Variants in GPM6A observed in about 807,000 individuals in gnomAD.
GPM6A encodes the protein neuronal membrane glycoprotein M6-a.
GPM6A carries 7 observed loss-of-function variants against 32.1 expected under a neutral mutation model. The ratio of observed to expected loss-of-function variants is 0.22; its 90% confidence interval spans 0.12 to 0.41. GPM6A has a LOEUF of 0.41. GPM6A is among the 10% of genes least tolerant of loss of function. The pLI, the probability that GPM6A is intolerant of heterozygous loss-of-function variation, is 1.00. For synonymous variants in GPM6A, 130 were observed against 123.4 expected (o/e 1.05, Z -0.35); for missense variants, 235 against 347.2 (o/e 0.68, Z 2.57).
chr4:175,945,098 G>A (rs1354821105), intron 1 of GPM6A, among the ~76,000 whole-genome samples: 1 of 152,054 alleles, frequency 6.6e-6, no homozygotes, highest in Non-Finnish European at 1.5e-5. Flanking sequence ...ATTCATTGAG[G>A]CTAGAAAAGA....
intron 1 of GPM6A, among the ~76,000 whole-genome samples, chr4:175,724,035 T>G (rs1746276521): frequency 6.6e-6 from 1 of 152,164 alleles, no homozygotes; most frequent in African/African-American, 2.4e-5. Context: ...ATAGCATTAT[T>G]CACAGCAACC....
At position 175,778,493 on chromosome 4, in the gene GPM6A, C is replaced by T. The variant is rs539832571; in HGVS notation, c.37+33698G>A. ...TACAAAAATTAGCTGGGCGTGGTGG[C>T]GTGCACCTGTAGTCCCAGCTACTTG... On this transcript the variant is annotated intron_variant, in intron 1 of 6. Coordinates refer to ENST00000393658, the MANE Select transcript of GPM6A (RefSeq NM_201591.3). Among the ~76,000 whole-genome samples, 21 of 151,630 alleles carry T rather than the reference C, an allele frequency of 1.4e-4. No individual in the cohort carries two copies. In the East Asian group the frequency reaches 3.1e-3, roughly 22 times the overall value.
At chr4:175,819,103 G>A (rs113970076) in intron 1 of GPM6A, among the ~76,000 whole-genome samples, 54 of 152,234 alleles carry the variant, frequency 3.5e-4, no homozygotes, top group Admixed American at 9.8e-4. Flanking sequence ...ATCTCTTTCT[G>A]GTAATTATGT....
At chr4:175,706,605 T>A (rs942288466) in intron 1 of GPM6A, among the ~76,000 whole-genome samples, 1 of 152,200 alleles carries the variant, frequency 6.6e-6, no homozygotes, top group Non-Finnish European at 1.5e-5. Context: ...CATTATCAAG[T>A]GTCCAGAGAG....
chr4:175,731,505 A>C (rs1731429284), intron 1 of GPM6A, among the ~76,000 whole-genome samples: 1 of 152,012 alleles, frequency 6.6e-6, no homozygotes, highest in Admixed American at 6.6e-5. Context: ...GGTAAGGCGC[A>C]GCAGGTTTTT....
chr4:175,853,504 C>T (rs935523218), intron 1 of GPM6A, among the ~76,000 whole-genome samples: 15 of 137,614 alleles, frequency 1.1e-4, no homozygotes, highest in East Asian at 2.1e-4. Context: ...CAAACAAGTT[C>T]TTTTTTTTTT....
At chr4:175,918,866 A>G (rs1738579186) in intron 1 of GPM6A, among the ~76,000 whole-genome samples, 1 of 152,102 alleles carries the variant, frequency 6.6e-6, no homozygotes, top group South Asian at 2.1e-4. Flanking sequence ...TCTATACAGC[A>G]TTCTTTTATG....
intron 1 of GPM6A, among the ~76,000 whole-genome samples, chr4:175,831,949 C>T (rs1051809618): frequency 4.0e-5 from 6 of 151,882 alleles, no homozygotes; most frequent in African/African-American, 1.2e-4. Flanking sequence ...GAACTCTTGA[C>T]CTCAGGTGAT....
At chr4:175,844,550 T>G (rs960889450) in intron 1 of GPM6A, among the ~76,000 whole-genome samples, 2 of 152,226 alleles carry the variant, frequency 1.3e-5, no homozygotes, top group African/African-American at 2.4e-5. Context: ...GTTCTCTCTA[T>G]GCAGATTATA....
At chr4:175,763,006 C>T (rs541520112) in intron 1 of GPM6A, among the ~76,000 whole-genome samples, 2 of 152,192 alleles carry the variant, frequency 1.3e-5, no homozygotes, top group East Asian at 1.9e-4. Context: ...AATGGTTTCA[C>T]AATGCTGCCT....
chr4:175,700,703 C>T (rs1343279895), intron 2 of GPM6A, among the ~76,000 whole-genome samples: 1 of 152,002 alleles, frequency 6.6e-6, no homozygotes, highest in Non-Finnish European at 1.5e-5. Flanking sequence ...GAAATAAACA[C>T]AAGAAGTTAT....
In GPM6A at chr4:175,645,333, C is replaced by T. The variant is rs76143339; in HGVS notation, c.542-4504G>A. Among the ~76,000 whole-genome samples, 1,131 of 152,220 alleles carry T rather than the reference C, an allele frequency of 7.4e-3. 19 individuals are homozygous for T. The highest frequency in any genetic ancestry group is 0.026 in the African/African-American group (1,071 of 41,530). On this transcript the variant is annotated intron_variant, in intron 4 of 6. Transcript: ENST00000393658. ...GAGAAAATGATGCGTAATGTGTGTA[C>T]ACGGTTCCTATGACTTTCATCACTA...
intron 1 of GPM6A, among the ~76,000 whole-genome samples, chr4:175,867,497 G>GAA (rs199684212): frequency 6.7e-6 from 1 of 149,324 alleles, no homozygotes; most frequent in Admixed American, 6.7e-5. Context: ...CACATTTGTT[G>GAA]AAAAAAAAAA....
chr4:175,789,456 G>T (rs892654288), intron 1 of GPM6A, among the ~76,000 whole-genome samples: 1 of 151,972 alleles, frequency 6.6e-6, no homozygotes, highest in Non-Finnish European at 1.5e-5. Context: ...AATTTATCTT[G>T]TTTTTATTAT....
At chr4:175,791,156 T>C (rs1733998821) in intron 1 of GPM6A, among the ~76,000 whole-genome samples, 1 of 152,158 alleles carries the variant, frequency 6.6e-6, no homozygotes, top group African/African-American at 2.4e-5. Flanking sequence ...ATAAAATTGA[T>C]TCTCAGATGA....
At chr4:175,971,445 TA>T (rs1009760210) in intron 1 of GPM6A, among the ~76,000 whole-genome samples, 8 of 152,184 alleles carry the variant, frequency 5.3e-5, no homozygotes, top group African/African-American at 1.9e-4. Context: ...TAATTTTCTT[TA>T]AAAACCTCAT....
At chr4:175,955,439 T>C (rs1739954068) in intron 1 of GPM6A, among the ~76,000 whole-genome samples, 1 of 152,198 alleles carries the variant, frequency 6.6e-6, no homozygotes, top group African/African-American at 2.4e-5. Flanking sequence ...TACTCACTTC[T>C]TGGGATTTTA....
intron 1 of GPM6A, chr4:175,962,269 C>T (rs948556848): frequency 1.4e-5 from 19 of 1,332,284 alleles, no homozygotes; most frequent in South Asian, 9.4e-5. Context: ...AACTCAAATG[C>T]CTTTTCAACA....
intron 1 of GPM6A, among the ~76,000 whole-genome samples, chr4:175,921,893 A>G (rs1738679891): frequency 6.6e-6 from 1 of 152,152 alleles, no homozygotes; most frequent in African/African-American, 2.4e-5. Flanking sequence ...TCTATATAGG[A>G]TGGCTGTCCT....
Sources: allele counts gnomAD v4.1 joint callset (sites outside exome capture counted in the v4.1 genomes callset), GRCh38; gene constraint gnomAD v4.1.1; transcripts MANE v1.5; gene names NCBI Gene and HGNC (gene_info 2026-07-23, HGNC 2026-07-21).